ANO3: variants seen among roughly 807,000 people sequenced by gnomAD.
ANO3 encodes the protein anoctamin-3.
Under a neutral mutation model 144.8 loss-of-function variants are expected in ANO3, and 99 were observed. The ratio of observed to expected loss-of-function variants is 0.68; its 90% CI spans 0.58 to 0.81. The LOEUF is 0.81. Among genes scored for constraint, ANO3 ranks in the 30% least tolerant of loss-of-function variants. The pLI is 0.00. For synonymous variants in ANO3, 414 were observed against 392.6 expected, an observed-to-expected ratio of 1.05 and a Z score of -0.64; for missense variants, 905 against 1,202.2, an observed-to-expected ratio of 0.75 and a Z score of 3.66.
Position 26,542,088 on chromosome 11 carries a change from A to G in ANO3, c.1154+20A>G. Reference sequence around the variant, plus strand: ...AATCAGGTACTGCAAATGGAACAATAATGAAAAGCAAAGTATTCTGTTTTG... The same window carrying G: ...AATCAGGTACTGCAAATGGAACAATGATGAAAAGCAAAGTATTCTGTTTTG... On this transcript the variant is annotated intron_variant, in intron 11 of 26. Coordinates refer to ENST00000256737, the MANE Select transcript of ANO3 (RefSeq NM_031418.4). 1.2e-6 allele frequency: 2 copies of G among 1,603,252 alleles called. No individual in the cohort carries two copies. Among genetic ancestry groups the G allele is most frequent in the South Asian group, 2.2e-5 (2 of 89,144 alleles).
chr11:26,557,202 C>T (rs550679788), intron 13 of ANO3, among the ~76,000 whole-genome samples: 1 of 152,170 alleles, frequency 6.6e-6, no homozygotes, highest in African/African-American at 2.4e-5. Flanking sequence ...TGGCTCACAC[C>T]AGTAATCCCA....
At chr11:26,251,015 G>C (rs1297231448) in intron 1 of ANO3, among the ~76,000 whole-genome samples, 1 of 152,152 alleles carries the variant, frequency 6.6e-6, no homozygotes, top group Non-Finnish European at 1.5e-5. Flanking sequence ...ACTGGGAGCT[G>C]TGGTTCTCTT....
At chr11:26,411,691 T>A (rs537726959) in intron 1 of ANO3, among the ~76,000 whole-genome samples, 2 of 151,632 alleles carry the variant, frequency 1.3e-5, no homozygotes, top group South Asian at 2.1e-4. Context: ...GTGAGATAAG[T>A]ATGGCAATAT....
intron 1 of ANO3, among the ~76,000 whole-genome samples, chr11:26,438,609 G>GAA (rs1222012718): frequency 1.4e-5 from 1 of 73,296 alleles, no homozygotes; most frequent in Non-Finnish European, 2.4e-5. Flanking sequence ...AAAAAAAAAA[G>GAA]AAAAAAAAAA....
intron 3 of ANO3, among the ~76,000 whole-genome samples, chr11:26,444,051 A>C (rs1228265390): frequency 6.6e-6 from 1 of 152,200 alleles, no homozygotes; most frequent in African/African-American, 2.4e-5. Context: ...ACAGTCTCAT[A>C]ATAACAAATA....
intron 1 of ANO3, among the ~76,000 whole-genome samples, chr11:26,283,591 G>T (rs1853734423): frequency 6.6e-6 from 1 of 151,906 alleles, no homozygotes; most frequent in Admixed American, 6.6e-5. Context: ...AAGAGAAAAG[G>T]ATTATCACTT....
intron 13 of ANO3, among the ~76,000 whole-genome samples, chr11:26,557,923 T>C (rs1297547443): frequency 6.6e-6 from 1 of 152,178 alleles, no homozygotes; most frequent in Non-Finnish European, 1.5e-5. Context: ...GCTTGGTAAA[T>C]CTAACACATG....
intron 1 of ANO3, among the ~76,000 whole-genome samples, chr11:26,236,263 C>T (rs866937877): frequency 3.0e-4 from 46 of 152,062 alleles, no homozygotes; most frequent in African/African-American, 1.1e-3. Context: ...ATTCCTAGAA[C>T]TGAAGTTGTT....
intron 1 of ANO3, among the ~76,000 whole-genome samples, chr11:26,246,775 G>T (rs1284170536): frequency 6.6e-6 from 1 of 151,908 alleles, no homozygotes. Context: ...TTGTGATAGT[G>T]AATAAGTTTC....
chr11:26,457,034 A>G (rs1232978375), intron 3 of ANO3, among the ~76,000 whole-genome samples: 2 of 143,190 alleles, frequency 1.4e-5, no homozygotes, highest in Non-Finnish European at 3.0e-5. Context: ...ATGAGAACAC[A>G]TGGACACAGG....
chr11:26,423,488 T>C (rs921238046), intron 1 of ANO3, among the ~76,000 whole-genome samples: 42 of 151,790 alleles, frequency 2.8e-4, no homozygotes, highest in African/African-American at 1.9e-4. Context: ...AAATAATTGA[T>C]AATTATTTTG....
At chr11:26,657,751 A>C (rs890902939) in intron 26 of ANO3, among the ~76,000 whole-genome samples, 3 of 152,088 alleles carry the variant, frequency 2.0e-5, no homozygotes, top group Admixed American at 2.0e-4. Context: ...CATGAAACTT[A>C]TTTTGTGCCT....
At chr11:26,358,212 G>C (rs1450501923) in intron 1 of ANO3, among the ~76,000 whole-genome samples, 1 of 123,440 alleles carries the variant, frequency 8.1e-6, no homozygotes, top group Non-Finnish European at 1.6e-5. Flanking sequence ...TCACTCTGTC[G>C]TCAGGCTGGA....
intron 3 of ANO3, among the ~76,000 whole-genome samples, chr11:26,449,848 G>A (rs976787389): frequency 3.3e-5 from 5 of 151,686 alleles, no homozygotes; most frequent in South Asian, 2.1e-4. Context: ...CCTCTGCCTC[G>A]GGTTCAAGCA....
At chr11:26,353,261 T>G (rs1335931814) in intron 1 of ANO3, among the ~76,000 whole-genome samples, 1 of 152,134 alleles carries the variant, frequency 6.6e-6, no homozygotes, top group Non-Finnish European at 1.5e-5. Flanking sequence ...TGTTGATGAG[T>G]GTATAATGAC....
intron 1 of ANO3, among the ~76,000 whole-genome samples, chr11:26,351,683 A>T (rs568689237): frequency 6.6e-6 from 1 of 152,312 alleles, no homozygotes; most frequent in East Asian, 1.9e-4. Context: ...GCCTTATTTA[A>T]ACACAATTTG....
At chr11:26,558,891 G>A (rs1364927976) in intron 13 of ANO3, 1 of 152,008 alleles carries the variant, frequency 6.6e-6, no homozygotes, top group East Asian at 1.9e-4. Flanking sequence ...CCTCCTGTGA[G>A]GACAATGCCC....
At chr11:26,636,835 G>A (rs1029263319) in intron 20 of ANO3, among the ~76,000 whole-genome samples, 12 of 152,220 alleles carry the variant, frequency 7.9e-5, no homozygotes, top group African/African-American at 2.7e-4. Flanking sequence ...GCATACTAAA[G>A]TAAGTGAAGG....
chr11:26,570,681 C>T (rs1850788453), intron 14 of ANO3, among the ~76,000 whole-genome samples: 1 of 152,118 alleles, frequency 6.6e-6, no homozygotes, highest in Non-Finnish European at 1.5e-5. Flanking sequence ...TTTCTTCTCA[C>T]AGATGTTAGG....
Sources: allele counts gnomAD v4.1 joint callset (sites outside exome capture counted in the v4.1 genomes callset), GRCh38; gene constraint gnomAD v4.1.1; transcripts MANE v1.5; gene names NCBI Gene and HGNC (gene_info 2026-07-23, HGNC 2026-07-21).